The following TMEM132C variants were observed in gnomAD, a reference collection of about 807,000 sequenced individuals.
TMEM132C encodes protein phosphatase 1, regulatory subunit 152.
Under a neutral mutation model 61.4 loss-of-function variants are expected in TMEM132C, and 29 were observed. The ratio of observed to expected loss-of-function variants is 0.47; its 90% CI spans 0.35 to 0.64. TMEM132C has a LOEUF of 0.64. Among genes scored for constraint, TMEM132C ranks in the 30% least tolerant of loss-of-function variants. TMEM132C has a pLI of 0.00. For missense variants in TMEM132C, 1,408 were observed against 1,476.9 expected (o/e 0.95, Z 0.76); for synonymous variants, 656 against 633.1 (o/e 1.04, Z -0.54).
intron 6 of TMEM132C, among the ~76,000 whole-genome samples, chr12:128,694,317 G>A (rs1007285613): frequency 6.6e-6 from 1 of 152,152 alleles, no homozygotes; most frequent in African/African-American, 2.4e-5. Context: ...TAGCATCTTG[G>A]TTACCAGGTA....
Position 128,269,580 on chromosome 12 carries a change from C to A in TMEM132C, c.85+2093C>A, listed in dbSNP as rs184095685. On this transcript the variant is annotated intron_variant, in intron 1 of 8. Coordinates refer to ENST00000435159, the MANE Select transcript of TMEM132C (RefSeq NM_001136103.3). ...ACCGCCTCTGCCCTCTAGCTAAGTG[C>A]AACCTTGATTTGATGGGGCTTTCTT... is the stretch of plus-strand genomic sequence containing the variant. 5.6e-3 allele frequency among the ~76,000 whole-genome samples: 852 copies of A among 152,220 alleles called. 15 individuals carry two copies. Among genetic ancestry groups the A allele is most frequent in the Non-Finnish European group, 5.4e-3 (365 of 68,030 alleles).
intron 3 of TMEM132C, among the ~76,000 whole-genome samples, chr12:128,575,134 A>G (rs1330628491): frequency 6.6e-6 from 1 of 152,224 alleles, no homozygotes; most frequent in Non-Finnish European, 1.5e-5. Flanking sequence ...ACCAGCATTT[A>G]CATTGTTACA....
intron 4 of TMEM132C, among the ~76,000 whole-genome samples, chr12:128,658,806 G>C (rs1954356591): frequency 6.6e-6 from 1 of 152,196 alleles, no homozygotes; most frequent in South Asian, 2.1e-4. Flanking sequence ...GTCCAAACAT[G>C]CAATGCAAAT....
intron 3 of TMEM132C, among the ~76,000 whole-genome samples, chr12:128,601,937 T>C (rs1402208778): frequency 6.6e-6 from 1 of 152,104 alleles, no homozygotes; most frequent in Admixed American, 6.6e-5. Flanking sequence ...TTTCCTGATA[T>C]TCACAGTTTT....
intron 4 of TMEM132C, among the ~76,000 whole-genome samples, chr12:128,621,720 C>T (rs549492680): frequency 1.3e-5 from 2 of 152,326 alleles, no homozygotes; most frequent in East Asian, 1.9e-4. Context: ...TGGTCCTCCA[C>T]GCCCACACAC....
At chr12:128,345,255 C>T (rs984877403) in intron 1 of TMEM132C, among the ~76,000 whole-genome samples, 54 of 152,086 alleles carry the variant, frequency 3.6e-4, no homozygotes, top group African/African-American at 1.1e-3. Flanking sequence ...TTTATGGCTG[C>T]GTAGTATTCC....
At chr12:128,331,974 T>C (rs1872675377) in intron 1 of TMEM132C, among the ~76,000 whole-genome samples, 1 of 152,208 alleles carries the variant, frequency 6.6e-6, no homozygotes, top group South Asian at 2.1e-4. Flanking sequence ...CTTTCTCCAG[T>C]TTATTTTTTT....
chr12:128,694,314 T>C (rs1213240010), intron 6 of TMEM132C, among the ~76,000 whole-genome samples: 1 of 152,214 alleles, frequency 6.6e-6, no homozygotes, highest in Non-Finnish European at 1.5e-5. Context: ...TTTTAGCATC[T>C]TGGTTACCAG....
At chr12:128,592,538 C>T (rs1399885925) in intron 3 of TMEM132C, among the ~76,000 whole-genome samples, 3 of 152,196 alleles carry the variant, frequency 2.0e-5, no homozygotes, top group Non-Finnish European at 4.4e-5. Context: ...AGGAAGTTAT[C>T]CCCATAGATT....
rs1282550852 is a variant in TMEM132C, at chr12:128,353,373, C to T, written c.86-61359C>T. ...TTTGCAAGATGGCGCGGGACTTTCACAGAGAACAGAGGTGCTAACGCTGCG... is the reference window on the plus strand; with the variant it reads ...TTTGCAAGATGGCGCGGGACTTTCATAGAGAACAGAGGTGCTAACGCTGCG... On this transcript the variant is annotated intron_variant, in intron 1 of 8. Transcript: ENST00000435159. Among the ~76,000 whole-genome samples, 3 of 152,166 alleles carry T rather than the reference C, an allele frequency of 2.0e-5. No individual in the cohort carries two copies. In the East Asian group the frequency reaches 5.8e-4, roughly 29 times the overall value.
rs565342743 is a variant in TMEM132C, at chr12:128,482,487, C to T, written c.975-61470C>T. On this transcript the variant is annotated intron_variant, in intron 2 of 8. Coordinates refer to ENST00000435159, the MANE Select transcript of TMEM132C (RefSeq NM_001136103.3). ...TTGGGTATCAGGATGATGCTGGCCT[C>T]ATAAAATGAGTTAGGGAAAAGTCCC... is the stretch of plus-strand genomic sequence containing the variant. 8.5e-5 allele frequency among the ~76,000 whole-genome samples: 13 copies of T among 152,286 alleles called. No individual in the cohort carries two copies. The South Asian group carries it at 2.7e-3, about 32-fold the overall frequency.
intron 1 of TMEM132C, among the ~76,000 whole-genome samples, chr12:128,381,515 T>A (rs1375063957): frequency 6.6e-6 from 1 of 152,202 alleles, no homozygotes; most frequent in Non-Finnish European, 1.5e-5. Flanking sequence ...TTGTGGCTGC[T>A]CTTTTGAAAG....
At chr12:128,374,376 A>T (rs751090490) in intron 1 of TMEM132C, among the ~76,000 whole-genome samples, 1 of 152,134 alleles carries the variant, frequency 6.6e-6, no homozygotes, top group African/African-American at 2.4e-5. Flanking sequence ...GGGCGGAGCC[A>T]TTGCTGCTGG....
chr12:128,410,800 A>G (rs1047868575), intron 1 of TMEM132C, among the ~76,000 whole-genome samples: 2 of 152,194 alleles, frequency 1.3e-5, no homozygotes, highest in African/African-American at 4.8e-5. Context: ...ATTATTAGCT[A>G]CTTTAGAGGC....
rs925466375 is a variant in TMEM132C at position 128,332,797 on chromosome 12, T to C, written c.85+65310T>C. On this transcript the variant is annotated intron_variant, in intron 1 of 8. Coordinates refer to ENST00000435159, the MANE Select transcript of TMEM132C (RefSeq NM_001136103.3). ...TTCCTCTAGAAAGGGAATCGGCATG[T>C]TCCCAATCATCTCTGAGATTATCTT... is the stretch of plus-strand genomic sequence containing the variant. Among the ~76,000 whole-genome samples the C allele has an allele frequency of 4.6e-5, 7 of 152,352 alleles. No individual in the cohort carries two copies. The South Asian group carries it at 8.3e-4, about 18-fold the overall frequency.
Position 128,706,133 on chromosome 12 carries a change from ATTTACCACC to A in TMEM132C, c.3175_3183del (p.Phe1059_Thr1061del). Reference sequence around the variant, plus strand: ...CCACCTCCAAGAGGAAGAAGGTGAAATTTACCACCTTTACCACCATCCCCCCGGACGACA... The same window carrying A: ...CCACCTCCAAGAGGAAGAAGGTGAAATTTACCACCATCCCCCCGGACGACA... On this transcript the variant is annotated inframe_deletion, in exon 9 of 9. Coordinates refer to ENST00000435159, the MANE Select transcript of TMEM132C (RefSeq NM_001136103.3). 6.4e-7 allele frequency: 1 copy of A among 1,551,706 alleles called. No individual in the cohort carries two copies. The highest frequency in any genetic ancestry group is 1.2e-5 in the South Asian group (1 of 84,052).
intron 1 of TMEM132C, among the ~76,000 whole-genome samples, chr12:128,374,206 T>C (rs1300852879): frequency 6.6e-6 from 1 of 152,184 alleles, no homozygotes; most frequent in Non-Finnish European, 1.5e-5. Context: ...GGGAGACTAT[T>C]GCATAGTTTA....
rs1444891374 is a variant in TMEM132C, at chr12:128,357,704, A to AAAG, written c.86-57026_86-57025insGAA. Among the ~76,000 whole-genome samples the AAAG allele has an allele frequency of 3.7e-4, 56 of 151,670 alleles. 1 individual carries two copies. In the East Asian group the frequency reaches 6.4e-3, roughly 17 times the overall value. On this transcript the variant is annotated intron_variant, in intron 1 of 8. Transcript: ENST00000435159. The stretch of plus-strand genomic sequence containing the variant: ...TGAGACTCCGTCTCAAAAAAAAAAA[A>AAAG]AAAAAAGAAAAAGAAGGAGCCCAAA...
chr12:128,376,341 A>G (rs1368233429), intron 1 of TMEM132C, among the ~76,000 whole-genome samples: 4 of 152,230 alleles, frequency 2.6e-5, no homozygotes, highest in African/African-American at 9.7e-5. Context: ...GGATGTTGTC[A>G]TAGAAATCTG....
Sources: allele counts gnomAD v4.1 joint callset (sites outside exome capture counted in the v4.1 genomes callset), GRCh38; gene constraint gnomAD v4.1.1; transcripts MANE v1.5; gene names NCBI Gene and HGNC (gene_info 2026-07-23, HGNC 2026-07-21).